Variants in PREP observed in about 807,000 individuals in gnomAD.
PREP encodes the protein dJ355L5.1 (prolyl endopeptidase).
PREP carries 29 observed loss-of-function variants against 87.6 expected under a neutral mutation model. That is an observed-to-expected ratio of 0.33 (90% CI 0.25 to 0.45). The LOEUF (loss-of-function observed/expected upper bound fraction) is 0.45. PREP is among the 20% of genes least tolerant of loss of function. The pLI, the probability that PREP is intolerant of heterozygous loss-of-function variation, is 1.00. For missense variants in PREP, 695 were observed against 886.5 expected (o/e 0.78, Z 2.74); for synonymous variants, 337 against 328.6 (o/e 1.03, Z -0.28).
chr6:105,326,992 C>T (rs887843862), intron 9 of PREP, among the ~76,000 whole-genome samples: 1 of 152,184 alleles, frequency 6.6e-6, no homozygotes, highest in Admixed American at 6.5e-5. Context: ...GCCCTTTCTT[C>T]CCCAGGTAAT....
At chr6:105,382,270 A>ACCACACACAC (rs1772863115) in intron 2 of PREP, among the ~76,000 whole-genome samples, 1 of 143,016 alleles carries the variant, frequency 7.0e-6, no homozygotes, top group African/African-American at 2.5e-5. Context: ...AAGCGTTCTC[A>ACCACACACAC]ACACACACAC....
intron 14 of PREP, among the ~76,000 whole-genome samples, chr6:105,280,324 T>C (rs1247080290): frequency 1.3e-5 from 2 of 152,114 alleles, no homozygotes; most frequent in African/African-American, 4.8e-5. Context: ...CTTTAGAAAC[T>C]AAAGTTATTT....
At chr6:105,399,114 A>AAAAAAAGATT (rs1428322820) in intron 1 of PREP, among the ~76,000 whole-genome samples, 3 of 152,098 alleles carry the variant, frequency 2.0e-5, no homozygotes, top group Admixed American at 2.0e-4. Flanking sequence ...TCTCAGAAAA[A>AAAAAAAGATT]AAAAAAGATT....
intron 4 of PREP, among the ~76,000 whole-genome samples, chr6:105,375,896 T>C (rs1358851025): frequency 1.3e-5 from 2 of 152,216 alleles, no homozygotes; most frequent in Non-Finnish European, 2.9e-5. Context: ...CCAGTGTTAA[T>C]TATTTTCCAG....
rs550064456 is a variant in PREP at position 105,324,374 on chromosome 6, G to GCACGA, written c.1214-611_1214-607dup. Among the ~76,000 whole-genome samples, 62 of 152,288 alleles carry GCACGA rather than the reference G, an allele frequency of 4.1e-4. 1 individual carries two copies. The East Asian group carries it at 0.01, about 25-fold the overall frequency. ...CAATTTGGATTGTCCCAGTAATTGT[G>GCACGA]CACGACACAAAATGATTAATATACA... On this transcript the variant is annotated intron_variant, in intron 9 of 14. Transcript: ENST00000652536.
At chr6:105,402,773 C>G (rs1451435067) in intron 1 of PREP, 74 bp downstream of exon 1, 2 of 1,380,598 alleles carry the variant, frequency 1.4e-6, no homozygotes, top group African/African-American at 1.4e-5. Flanking sequence ...GGAAGAGGAG[C>G]TGCGGGTGCC....
chr6:105,348,988 G>GAA (rs1245396718), intron 7 of PREP, among the ~76,000 whole-genome samples: 1 of 152,164 alleles, frequency 6.6e-6, no homozygotes, highest in African/African-American at 2.4e-5. Flanking sequence ...AGCCAGTGGA[G>GAA]AATAGGACAT....
At position 105,331,575 on chromosome 6, in the gene PREP, G is replaced by C. The variant is rs115262880; in HGVS notation, c.1015+1739C>G. Among the ~76,000 whole-genome samples the C allele has an allele frequency of 2.2e-3, 328 of 152,290 alleles. 1 individual carries two copies. Among genetic ancestry groups the C allele is most frequent in the African/African-American group, 7.5e-3 (311 of 41,542 alleles). On this transcript the variant is annotated intron_variant, in intron 8 of 14. Coordinates refer to ENST00000652536, the MANE Select transcript of PREP (RefSeq NM_002726.5). ...TTGGATGCAGCAACGCATGAGGTCA[G>C]TGCATGATGAACAGAGTGCTGTACC...
At chr6:105,331,775 C>A (rs1031993292) in intron 8 of PREP, among the ~76,000 whole-genome samples, 1 of 152,116 alleles carries the variant, frequency 6.6e-6, no homozygotes, top group African/African-American at 2.4e-5. Flanking sequence ...GGTCCCTCGT[C>A]CAAATATAAA....
intron 10 of PREP, among the ~76,000 whole-genome samples, chr6:105,323,347 A>G (rs890284253): frequency 6.6e-6 from 1 of 152,174 alleles, no homozygotes; most frequent in African/African-American, 2.4e-5. Flanking sequence ...GACCTGAGCT[A>G]GAACACAAAC....
At chr6:105,288,716 A>G (rs1487583988) in intron 11 of PREP, 42 bp downstream of exon 11, 3 of 1,608,156 alleles carry the variant, frequency 1.9e-6, no homozygotes, top group South Asian at 2.2e-5. Context: ...CACTATATGG[A>G]AAAGATAAAA....
chr6:105,297,115 T>C (rs749359959), intron 10 of PREP, among the ~76,000 whole-genome samples: 1 of 152,214 alleles, frequency 6.6e-6, no homozygotes, highest in Non-Finnish European at 1.5e-5. Context: ...CTTGGGCTAA[T>C]AGCAACACTC....
At chr6:105,300,826 T>A (rs1408020124) in intron 10 of PREP, among the ~76,000 whole-genome samples, 2 of 151,734 alleles carry the variant, frequency 1.3e-5, no homozygotes, top group Non-Finnish European at 2.9e-5. Context: ...TAAATCTGAT[T>A]TCAAAAAAAA....
chr6:105,385,283 T>TAAAAAA (rs11354337), intron 2 of PREP, among the ~76,000 whole-genome samples: 12 of 122,634 alleles, frequency 9.8e-5, no homozygotes, highest in Admixed American at 3.3e-4. Context: ...AGATCTGCTT[T>TAAAAAA]AAAAAAAAAA....
chr6:105,305,891 A>T (rs1770644171), intron 10 of PREP, among the ~76,000 whole-genome samples: 1 of 151,620 alleles, frequency 6.6e-6, no homozygotes, highest in South Asian at 2.1e-4. Flanking sequence ...CCCAGGCTGG[A>T]GTACAGTGGT....
At chr6:105,322,808 T>G in intron 10 of PREP, 1 of 1,106,344 alleles carries the variant, frequency 9.0e-7, no homozygotes, top group Non-Finnish European at 1.1e-6. Context: ...ATGATCTAGA[T>G]GTAGCCTATC....
At chr6:105,343,083 A>G (rs1268148611) in intron 7 of PREP, among the ~76,000 whole-genome samples, 1 of 152,258 alleles carries the variant, frequency 6.6e-6, no homozygotes, top group African/African-American at 2.4e-5. Context: ...ATCCTAAGCC[A>G]AAAGAACAAA....
chr6:105,275,308 T>C lies in PREP; in HGVS notation c.*2836A>G, dbSNP rs1456765554. Among the ~76,000 whole-genome samples the C allele has an allele frequency of 2.6e-5, 4 of 152,242 alleles. No individual in the cohort carries two copies. The highest frequency in any genetic ancestry group is 2.1e-4 in the South Asian group (1 of 4,836). On this transcript the variant is annotated 3_prime_UTR_variant, in exon 15 of 15. Coordinates refer to ENST00000652536, the MANE Select transcript of PREP (RefSeq NM_002726.5). ...AGTTGAAACTTATCCTTTTCAAACT[T>C]GTAGCACCATGTGTGTGTAGCTGCT...
chr6:105,279,882 A>C (rs1770041252), intron 14 of PREP, among the ~76,000 whole-genome samples: 1 of 152,224 alleles, frequency 6.6e-6, no homozygotes, highest in African/African-American at 2.4e-5. Context: ...TTTTCAAATG[A>C]GTTTAAATAG....
Sources: gnomAD v4.1 joint callset for allele counts (sites outside exome capture counted in the v4.1 genomes callset) on GRCh38, gnomAD v4.1.1 for gene constraint, MANE v1.5 for transcripts, NCBI Gene and HGNC (gene_info 2026-07-23, HGNC 2026-07-21) for gene names.